The following RALGAPA2 variants were observed in gnomAD, a reference collection of about 807,000 sequenced individuals.
The protein encoded by RALGAPA2 is Ral GTPase activating protein catalytic subunit alpha 2.
A neutral mutation model predicts 230.4 loss-of-function variants in RALGAPA2; 139 were observed. The ratio of observed to expected loss-of-function variants is 0.60; its 90% CI spans 0.53 to 0.69. RALGAPA2 has a LOEUF of 0.69. Among genes scored for constraint, RALGAPA2 ranks in the 30% least tolerant of loss-of-function variants. The pLI is 0.00. For missense variants in RALGAPA2, 2,163 were observed against 2,276.0 expected (o/e 0.95, Z 1.01); for synonymous variants, 847 against 837.8 (o/e 1.01, Z -0.19).
intron 37 of RALGAPA2, among the ~76,000 whole-genome samples, chr20:20,467,513 T>C (rs1467522700): frequency 6.6e-6 from 1 of 152,216 alleles, no homozygotes; most frequent in Non-Finnish European, 1.5e-5. Flanking sequence ...TTATTTGTTC[T>C]ACAGCCAGAT....
chr20:20,540,388 CAGATAGTTAA>C (rs2063611125), intron 24 of RALGAPA2, among the ~76,000 whole-genome samples: 1 of 152,170 alleles, frequency 6.6e-6, no homozygotes, highest in Non-Finnish European at 1.5e-5. Context: ...ATACCTCAGG[CAGATAGTTAA>C]ATGTATATAA....
intron 29 of RALGAPA2, 40 bp from the exon 30 acceptor site, chr20:20,524,583 CTTAA>C (rs1387178052): frequency 3.1e-6 from 5 of 1,611,366 alleles, no homozygotes; most frequent in Middle Eastern, 3.3e-4. Flanking sequence ...GCTGCAGTCT[CTTAA>C]ACCTCACTAC....
intron 36 of RALGAPA2, among the ~76,000 whole-genome samples, chr20:20,492,818 C>T (rs1213603330): frequency 6.6e-6 from 1 of 152,124 alleles, no homozygotes; most frequent in Non-Finnish European, 1.5e-5. Flanking sequence ...GCAAAGACTG[C>T]ATCACGGTTA....
At chr20:20,401,004 G>A (rs2059822524) in intron 38 of RALGAPA2, among the ~76,000 whole-genome samples, 1 of 152,216 alleles carries the variant, frequency 6.6e-6, no homozygotes, top group Admixed American at 6.5e-5. Context: ...AAGTGGATTT[G>A]TGGTTATTTA....
intron 18 of RALGAPA2, among the ~76,000 whole-genome samples, chr20:20,586,178 T>C (rs1602950186): frequency 6.6e-6 from 1 of 152,288 alleles, no homozygotes; most frequent in Admixed American, 6.5e-5. Context: ...CATAAAACTT[T>C]AGTTGCAATT....
At chr20:20,532,145 CTG>C (rs1160471586) in intron 26 of RALGAPA2, among the ~76,000 whole-genome samples, 1 of 152,132 alleles carries the variant, frequency 6.6e-6, no homozygotes, top group African/African-American at 2.4e-5. Flanking sequence ...AAACATAAAT[CTG>C]AGAAAACTGT....
intron 38 of RALGAPA2, among the ~76,000 whole-genome samples, chr20:20,409,443 G>A (rs749404453): frequency 5.9e-5 from 9 of 152,186 alleles, no homozygotes; most frequent in South Asian, 4.1e-4. Context: ...ATACGCATGT[G>A]AGCCCAAGCC....
At chr20:20,599,489 G>A (rs913954009) in intron 16 of RALGAPA2, among the ~76,000 whole-genome samples, 3 of 152,248 alleles carry the variant, frequency 2.0e-5, no homozygotes, top group African/African-American at 7.2e-5. Flanking sequence ...GGAGGAAAAC[G>A]TGCTTCATAT....
intron 23 of RALGAPA2, among the ~76,000 whole-genome samples, chr20:20,569,951 C>A (rs941336191): frequency 2.6e-5 from 4 of 152,124 alleles, no homozygotes; most frequent in Non-Finnish European, 5.9e-5. Flanking sequence ...GTTTCTTTCA[C>A]TGAAGGAGTT....
intron 24 of RALGAPA2, among the ~76,000 whole-genome samples, chr20:20,544,018 T>G (rs941739113): frequency 6.6e-6 from 1 of 152,024 alleles, no homozygotes; most frequent in Non-Finnish European, 1.5e-5. Flanking sequence ...AGAAGACTTA[T>G]GTGGCCAACA....
chr20:20,443,780 T>C (rs947407318), intron 37 of RALGAPA2, among the ~76,000 whole-genome samples: 1 of 152,242 alleles, frequency 6.6e-6, no homozygotes, highest in African/African-American at 2.4e-5. Context: ...AAGTGCTTAG[T>C]ACAGTGCACA....
intron 10 of RALGAPA2, 90 bp downstream of exon 10, chr20:20,629,273 C>T: frequency 9.2e-7 from 1 of 1,090,444 alleles, no homozygotes. Flanking sequence ...TGGCGTGTTA[C>T]AAGTAAAAGA....
Position 20,392,647 on chromosome 20 carries a change from A to G in RALGAPA2, c.*642T>C, listed in dbSNP as rs2059623125. 1 of 162,948 alleles carries G rather than the reference A, an allele frequency of 6.1e-6. No homozygotes were observed. Among genetic ancestry groups the G allele is most frequent in the Non-Finnish European group, 1.4e-5 (1 of 73,928 alleles). 10.1% of individuals were successfully genotyped at this position (162,948 alleles called of 1,614,324 possible). ...GGCGTCAGGTACCATGTGGGAAAAC[A>G]CTGGACAACTGAGGTAAAACTTCTC... On this transcript the variant is annotated 3_prime_UTR_variant, in exon 40 of 40. Transcript: ENST00000202677.
In RALGAPA2 at chr20:20,524,436, G is replaced by A; in HGVS notation, c.3870C>T (p.Ala1290=). 1 of 1,613,854 alleles carries A rather than the reference G, an allele frequency of 6.2e-7. No homozygotes were observed. The highest frequency in any genetic ancestry group is 1.1e-5 in the South Asian group (1 of 91,068). The change falls in exon 30 of 40, where the codon GCC becomes GCT. Residue 1290 remains alanine, a synonymous_variant. Transcript: ENST00000202677. ...AGATATAATCCAGCAAGGGGGCTCTGGCCGAATGCTGCTCCTCTAGGACTG... is the reference window on the plus strand; with the variant it reads ...AGATATAATCCAGCAAGGGGGCTCTAGCCGAATGCTGCTCCTCTAGGACTG... ...STAVLEEQHS[A]RAPLLDYIYR...
At chr20:20,420,578 C>T (rs116704593) in intron 37 of RALGAPA2, among the ~76,000 whole-genome samples, 2,518 of 152,170 alleles carry the variant, frequency 0.017, 63 homozygotes, top group African/African-American at 0.052. Context: ...GAGGGCCATG[C>T]TGGGTGACAC....
intron 8 of RALGAPA2, among the ~76,000 whole-genome samples, chr20:20,636,196 T>C (rs1011739511): frequency 6.6e-5 from 10 of 152,180 alleles, no homozygotes; most frequent in African/African-American, 2.2e-4. Flanking sequence ...AAAGACTTAA[T>C]AAGAAGTCAG....
At chr20:20,644,569 A>T (rs1276615101) in intron 4 of RALGAPA2, among the ~76,000 whole-genome samples, 2 of 152,230 alleles carry the variant, frequency 1.3e-5, no homozygotes, top group African/African-American at 4.8e-5. Context: ...ACTGTTCATA[A>T]CAACTAACAC....
chr20:20,672,898 A>C (rs761198041), intron 3 of RALGAPA2, among the ~76,000 whole-genome samples: 32 of 152,282 alleles, frequency 2.1e-4, no homozygotes, highest in Non-Finnish European at 3.5e-4. Flanking sequence ...ATCTTAAAAG[A>C]AGCAGCTGGG....
chr20:20,463,404 A>ATAAT (rs1398521043), intron 37 of RALGAPA2, among the ~76,000 whole-genome samples: 1 of 152,202 alleles, frequency 6.6e-6, no homozygotes, highest in Non-Finnish European at 1.5e-5. Flanking sequence ...CCCGCTTTTG[A>ATAAT]TAATATTAAG....
Sources: allele counts gnomAD v4.1 joint callset (sites outside exome capture counted in the v4.1 genomes callset), GRCh38; gene constraint gnomAD v4.1.1; transcripts MANE v1.5; gene names NCBI Gene and HGNC (gene_info 2026-07-23, HGNC 2026-07-21).